KAZN: variants seen among roughly 807,000 people sequenced by gnomAD.
KAZN encodes kazrin.
Under a neutral mutation model 87.4 loss-of-function variants are expected in KAZN, and 40 were observed. The ratio of observed to expected loss-of-function variants is 0.46; its 90% CI spans 0.36 to 0.60. The LOEUF (loss-of-function observed/expected upper bound fraction) is 0.60, where lower values mean the gene tolerates loss of function less well. Ranked by LOEUF, KAZN falls within the 20% of genes least tolerant of loss-of-function variation. KAZN has a pLI of 0.00. For missense variants in KAZN, 898 were observed against 1,073.9 expected, an observed-to-expected ratio of 0.84 and a Z score of 2.29; for synonymous variants, 466 against 458.3, an observed-to-expected ratio of 1.02 and a Z score of -0.22.
At chr1:14,549,627 T>TC (rs1462658268) in intron 2 of KAZN, among the ~76,000 whole-genome samples, 1 of 151,598 alleles carries the variant, frequency 6.6e-6, no homozygotes, top group East Asian at 1.9e-4. Context: ...TTTTTTTTTT[T>TC]TATTCAGGAC....
chr1:14,560,376 T>A (rs1254134987), intron 2 of KAZN, among the ~76,000 whole-genome samples: 1 of 152,042 alleles, frequency 6.6e-6, no homozygotes, highest in African/African-American at 2.4e-5. Flanking sequence ...GGTCAGGAGT[T>A]TGAGACCAGC....
intron 2 of KAZN, among the ~76,000 whole-genome samples, chr1:14,335,608 A>G (rs950741944): frequency 7.9e-5 from 12 of 152,152 alleles, no homozygotes; most frequent in African/African-American, 2.9e-4. Flanking sequence ...TCCTCACAGA[A>G]GCCAAGCAGA....
chr1:14,120,030 AC>A, intron 1 of KAZN, among the ~76,000 whole-genome samples: 1 of 152,158 alleles, frequency 6.6e-6, no homozygotes, highest in African/African-American at 2.4e-5. Flanking sequence ...AGTACAGGAG[AC>A]AGATCATAAG....
intron 2 of KAZN, among the ~76,000 whole-genome samples, chr1:14,569,642 G>A (rs1476387382): frequency 6.6e-6 from 1 of 151,556 alleles, no homozygotes; most frequent in East Asian, 1.9e-4. Context: ...CTTTTTTAAT[G>A]GAAATACTCG....
intron 1 of KAZN, among the ~76,000 whole-genome samples, chr1:14,676,791 TATGGGGAGGGGAGA>T (rs1483444967): frequency 7.9e-5 from 12 of 152,050 alleles, no homozygotes; most frequent in African/African-American, 2.9e-4. Flanking sequence ...TGCCAGGAGC[TATGGGGAGGGGAGA>T]ATGGGGAGTG....
intron 1 of KAZN, among the ~76,000 whole-genome samples, chr1:14,664,367 A>G (rs1361344792): frequency 6.6e-6 from 1 of 152,156 alleles, no homozygotes; most frequent in East Asian, 1.9e-4. Context: ...TGGGGGGCAG[A>G]GGTTGCAGTG....
intron 8 of KAZN, among the ~76,000 whole-genome samples, chr1:15,073,519 C>T (rs924075546): frequency 6.6e-6 from 1 of 152,154 alleles, no homozygotes; most frequent in African/African-American, 2.4e-5. Context: ...CAAGCCAGAC[C>T]CCAAGCTGCC....
At chr1:14,301,090 G>A (rs1301766501) in intron 2 of KAZN, among the ~76,000 whole-genome samples, 1 of 152,172 alleles carries the variant, frequency 6.6e-6, no homozygotes, top group Non-Finnish European at 1.5e-5. Context: ...CCACAGAAAT[G>A]TCTTGTATGG....
chr1:14,580,459 G>A (rs1675472732), intron 2 of KAZN, among the ~76,000 whole-genome samples: 1 of 150,556 alleles, frequency 6.6e-6, no homozygotes, highest in African/African-American at 2.4e-5. Context: ...TGGTCAACAA[G>A]AGCGAAACTC....
intron 8 of KAZN, chr1:15,067,270 T>A: frequency 1.2e-5 from 12 of 985,470 alleles, no homozygotes; most frequent in Non-Finnish European, 1.4e-5. Flanking sequence ...ACTTAGAATC[T>A]CCCAGGATCC....
intron 1 of KAZN, among the ~76,000 whole-genome samples, chr1:14,956,348 C>T (rs1240826279): frequency 1.3e-5 from 2 of 150,554 alleles, no homozygotes; most frequent in Non-Finnish European, 2.9e-5. Context: ...ACCTGTAATC[C>T]CAGCACTTTG....
intron 1 of KAZN, among the ~76,000 whole-genome samples, chr1:13,918,609 TG>T (rs1639946292): frequency 2.0e-5 from 3 of 152,252 alleles, no homozygotes; most frequent in Non-Finnish European, 4.4e-5. Context: ...GAAGTTCTAC[TG>T]TGTATAAAAT....
intron 1 of KAZN, among the ~76,000 whole-genome samples, chr1:14,137,507 C>G (rs1320855470): frequency 6.6e-6 from 1 of 152,094 alleles, no homozygotes; most frequent in East Asian, 1.9e-4. Flanking sequence ...GGCTCAAGTT[C>G]TATTGATACC....
rs144310645 is a variant in KAZN, at chr1:14,692,376, T to A, written c.226+93153T>A. On this transcript the variant is annotated intron_variant, in intron 1 of 14. Coordinates refer to ENST00000376030, the MANE Select transcript of KAZN (RefSeq NM_201628.3). ...TTCTTGTTATTTTGCTTCTTTTCCA[T>A]ACGTCAGTTTTTCTTTGACCGACCT... 1.8e-3 allele frequency: 561 copies of A among 317,072 alleles called. 1 individual carries two copies. The highest frequency in any genetic ancestry group is 2.5e-3 in the East Asian group (48 of 19,270). 19.6% of individuals were successfully genotyped at this position (317,072 alleles called of 1,614,324 possible).
intron 1 of KAZN, among the ~76,000 whole-genome samples, chr1:13,938,875 C>G (rs1640836949): frequency 6.6e-6 from 1 of 152,238 alleles, no homozygotes; most frequent in Non-Finnish European, 1.5e-5. Context: ...GCAGCATGAG[C>G]TGTACTTGGG....
intron 2 of KAZN, among the ~76,000 whole-genome samples, chr1:14,985,097 C>T (rs77830374): frequency 0.16 from 23,683 of 150,088 alleles, 1,876 homozygotes; most frequent in Middle Eastern, 0.22. Context: ...GATCATGCCA[C>T]TGCACTCCAG....
At chr1:14,284,877 C>T (rs1441083660) in intron 2 of KAZN, among the ~76,000 whole-genome samples, 1 of 152,220 alleles carries the variant, frequency 6.6e-6, no homozygotes, top group Non-Finnish European at 1.5e-5. Flanking sequence ...AGAGATGGGT[C>T]TCTCTGTTTT....
chr1:14,831,771 G>C (rs1647055634), intron 1 of KAZN, among the ~76,000 whole-genome samples: 1 of 152,138 alleles, frequency 6.6e-6, no homozygotes, highest in Non-Finnish European at 1.5e-5. Flanking sequence ...AGGCTCGGGT[G>C]GGCCCTGCTT....
intron 1 of KAZN, among the ~76,000 whole-genome samples, chr1:14,738,310 A>G (rs1056023283): frequency 6.6e-6 from 1 of 152,046 alleles, no homozygotes; most frequent in African/African-American, 2.4e-5. Flanking sequence ...AGGAGCGGAG[A>G]GAGGGAAGCG....
Sources: allele counts gnomAD v4.1 joint callset (sites outside exome capture counted in the v4.1 genomes callset), GRCh38; gene constraint gnomAD v4.1.1; transcripts MANE v1.5; gene names NCBI Gene and HGNC (gene_info 2026-07-23, HGNC 2026-07-21).